ABCC12: variants seen among roughly 807,000 people sequenced by gnomAD.
ABCC12 encodes ATP binding cassette subfamily C member 12.
In ABCC12, 142 loss-of-function variants were observed where a neutral mutation model predicts 151.1. The ratio of observed to expected loss-of-function variants is 0.94; its 90% CI spans 0.82 to 1.08. The LOEUF (loss-of-function observed/expected upper bound fraction) is 1.08. ABCC12 is among the 50% of genes least tolerant of loss of function. The pLI is 0.00. For synonymous variants in ABCC12, 645 were observed against 646.4 expected (o/e 1.00, Z 0.03); for missense variants, 1,638 against 1,691.1 (o/e 0.97, Z 0.55).
chr16:48,152,163 C>T (rs1197481300), intron 2 of ABCC12, among the ~76,000 whole-genome samples: 1 of 152,154 alleles, frequency 6.6e-6, no homozygotes, highest in Admixed American at 6.5e-5. Flanking sequence ...ATTTTCTGTA[C>T]CCAAGGCACC....
At chr16:48,088,297 C>T (rs1254375495) in intron 26 of ABCC12, among the ~76,000 whole-genome samples, 1 of 152,220 alleles carries the variant, frequency 6.6e-6, no homozygotes, top group African/African-American at 2.4e-5. Context: ...CCTTAGCACA[C>T]AACTCATCTC....
At chr16:48,092,355 T>C (rs1035809185) in intron 24 of ABCC12, among the ~76,000 whole-genome samples, 9 of 152,132 alleles carry the variant, frequency 5.9e-5, no homozygotes, top group Non-Finnish European at 7.3e-5. Context: ...GTCCGGCTGG[T>C]CTTGGAGCTC....
intron 13 of ABCC12, 92 bp from the exon 14 acceptor site, chr16:48,117,425 G>T: frequency 1.4e-6 from 2 of 1,407,382 alleles, no homozygotes; most frequent in Non-Finnish European, 9.8e-7. Context: ...GGTGTTGCTG[G>T]GGCAAGGCCA....
At chr16:48,121,975 GT>G (rs1964085866) in intron 12 of ABCC12, 135 bp from the exon 13 acceptor site, 1 of 1,311,638 alleles carries the variant, frequency 7.6e-7, no homozygotes, top group Non-Finnish European at 1.0e-6. Context: ...AGGACATCTT[GT>G]CCATGCACCA....
chr16:48,149,976 C>T (rs1965095646), intron 2 of ABCC12, among the ~76,000 whole-genome samples: 1 of 152,146 alleles, frequency 6.6e-6, no homozygotes, highest in Admixed American at 6.5e-5. Context: ...TCTTAAGCAC[C>T]CCTGGTGGGA....
intron 6 of ABCC12, among the ~76,000 whole-genome samples, chr16:48,139,973 G>A (rs78763068): frequency 0.018 from 2,737 of 152,270 alleles, 78 homozygotes; most frequent in African/African-American, 0.063. Context: ...AAGCTCCTGT[G>A]CCAACCCTGC....
chr16:48,146,707 G>C (rs967408650), intron 2 of ABCC12: 27 of 305,856 alleles, frequency 8.8e-5, no homozygotes, highest in Admixed American at 7.5e-4. Flanking sequence ...CTCATGTTGG[G>C]TTGGCCAAGA....
In ABCC12 at chr16:48,099,192, T is replaced by C. The variant is rs566222831; in HGVS notation, c.3038+1680A>G. Among the ~76,000 whole-genome samples the C allele has an allele frequency of 5.9e-5, 9 of 152,146 alleles. No individual in the cohort carries two copies. The South Asian group carries it at 1.9e-3, about 32-fold the overall frequency. ...CCGCACTCTTGGAGGCCAAGGCAGG[T>C]GGATCACTTGAGGTCAGGAGTTTGA... On this transcript the variant is annotated intron_variant, in intron 23 of 30. Transcript: ENST00000311303.
chr16:48,128,319 G>A (rs1470288608), intron 11 of ABCC12, 140 bp downstream of exon 11: 3 of 1,301,206 alleles, frequency 2.3e-6, no homozygotes, highest in African/African-American at 3.0e-5. Flanking sequence ...TAAAACTGGG[G>A]GAAAAATACA....
intron 29 of ABCC12, 31 bp from the exon 30 acceptor site, chr16:48,084,104 G>T (rs1204804684): frequency 6.4e-6 from 10 of 1,572,386 alleles, no homozygotes; most frequent in Non-Finnish European, 8.6e-6. Flanking sequence ...TAAGCCAAAG[G>T]CGCACTGAGA....
chr16:48,104,807 A>G (rs1383660560), intron 21 of ABCC12, among the ~76,000 whole-genome samples: 1 of 152,172 alleles, frequency 6.6e-6, no homozygotes, highest in African/African-American at 2.4e-5. Flanking sequence ...TGGAATGCAG[A>G]GGGGGCTGGA....
intron 2 of ABCC12, among the ~76,000 whole-genome samples, chr16:48,150,605 C>A (rs1283956934): frequency 6.6e-6 from 1 of 152,032 alleles, no homozygotes; most frequent in African/African-American, 2.4e-5. Flanking sequence ...TTAATAATGA[C>A]TATATTTGTA....
rs762793376 is a variant in ABCC12 at position 48,143,942 on chromosome 16, C to T, written c.243G>A (p.Ser81=). Reference sequence around the variant, plus strand: ...CATTGGTGTCAGATGAGTCATATGTCGACAATGGGGGCAGGGTGTCTACGG... The same window carrying T: ...CATTGGTGTCAGATGAGTCATATGTTGACAATGGGGGCAGGGTGTCTACGG... ...RLTVDTLPPL[S]TYDSSDTNAK... The change falls in exon 4 of 31, where the codon TCG becomes TCA. Residue 81 remains serine (S), a synonymous_variant. Coordinates refer to ENST00000311303, the MANE Select transcript of ABCC12 (RefSeq NM_001393797.1). 27 of 1,613,952 alleles carry T rather than the reference C, an allele frequency of 1.7e-5. 1 individual carries two copies. The highest frequency in any genetic ancestry group is 3.3e-5 in the Admixed American group (2 of 59,988).
intron 9 of ABCC12, among the ~76,000 whole-genome samples, chr16:48,131,566 G>A (rs1364692481): frequency 6.6e-6 from 1 of 152,156 alleles, no homozygotes; most frequent in African/African-American, 2.4e-5. Context: ...ATAGTGGGTG[G>A]TTAATATTCT....
intron 29 of ABCC12, among the ~76,000 whole-genome samples, chr16:48,085,028 C>T (rs954211525): frequency 2.6e-5 from 4 of 152,004 alleles, no homozygotes; most frequent in East Asian, 1.9e-4. Flanking sequence ...TGCAGTGCCA[C>T]GGCAGGCATC....
chr16:48,116,946 C>A (rs1156954500), intron 14 of ABCC12, among the ~76,000 whole-genome samples: 1 of 152,202 alleles, frequency 6.6e-6, no homozygotes, highest in Non-Finnish European at 1.5e-5. Flanking sequence ...CCCTGGTTTG[C>A]AGGACAGAGC....
chr16:48,137,768 C>G (rs997179249), intron 8 of ABCC12, among the ~76,000 whole-genome samples: 6 of 152,206 alleles, frequency 3.9e-5, no homozygotes, highest in African/African-American at 1.4e-4. Flanking sequence ...AGTAAAACTA[C>G]ATATGCATCT....
intron 14 of ABCC12, 82 bp downstream of exon 14, chr16:48,117,179 G>T: frequency 7.4e-7 from 1 of 1,355,458 alleles, no homozygotes. Flanking sequence ...GTGGAACAGG[G>T]GCTTGCTGGC....
chr16:48,126,187 A>G (rs973449834), intron 11 of ABCC12, among the ~76,000 whole-genome samples: 2 of 152,212 alleles, frequency 1.3e-5, no homozygotes, highest in South Asian at 2.1e-4. Flanking sequence ...AAGGACTTCA[A>G]TGAACCGGGG....
Sources: allele counts gnomAD v4.1 joint callset (sites outside exome capture counted in the v4.1 genomes callset), GRCh38; gene constraint gnomAD v4.1.1; transcripts MANE v1.5; gene names NCBI Gene and HGNC (gene_info 2026-07-23, HGNC 2026-07-21).